Variants in SV2C observed in about 807,000 individuals in gnomAD.
SV2C encodes the protein solute carrier family 22 member B3.
A neutral mutation model predicts 79.7 loss-of-function variants in SV2C; 49 were observed. The observed-to-expected ratio is 0.61, with a 90% CI of 0.49 to 0.78. The LOEUF is 0.78. Ranked by LOEUF, SV2C falls within the 30% of genes least tolerant of loss-of-function variation. The pLI is 0.00. For missense variants in SV2C, 833 were observed against 912.9 expected (o/e 0.91, Z 1.13); for synonymous variants, 334 against 333.2 (o/e 1.00, Z -0.03).
Position 76,224,498 on chromosome 5 carries a change from TG to T in SV2C, c.913+14612del, listed in dbSNP as rs1745182794. Reference sequence around the variant, plus strand: ...AGCAAGTCTTAGTAACTCACCGCTGTGTTTCTAAATTAACTTTCACCTGTAG... The same window carrying T: ...AGCAAGTCTTAGTAACTCACCGCTGTTTTCTAAATTAACTTTCACCTGTAG... On this transcript the variant is annotated intron_variant, in intron 4 of 12. Transcript: ENST00000502798. 2.0e-5 allele frequency among the ~76,000 whole-genome samples: 3 copies of T among 152,336 alleles called. No homozygotes were observed. The South Asian group carries it at 6.2e-4, about 32-fold the overall frequency.
the SV2C span, among the ~76,000 whole-genome samples, chr5:75,937,879 C>CTTTTT: frequency 0.012 from 1,841 of 150,002 alleles, 29 homozygotes; most frequent in African/African-American, 0.042. Flanking sequence ...AGCATTATCT[C>CTTTTT]TTTTTTTTTG....
chr5:76,328,854 T>G lies in SV2C; in HGVS notation c.*3307T>G, dbSNP rs1387783462. The G allele has an allele frequency of 6.6e-6, 1 of 151,900 alleles. No individual in the cohort carries two copies. Among genetic ancestry groups the G allele is most frequent in the African/African-American group, 2.4e-5 (1 of 41,286 alleles). The allele number at this position is 151,900 out of a possible 1,614,324, so 9.4% of individuals were successfully genotyped here. ...AACTCTGCTCACTGCAACCTCCGCC[T>G]CCCAGGTTCAAGTGATTCTCCCACC... is the stretch of plus-strand genomic sequence containing the variant. On this transcript the variant is annotated 3_prime_UTR_variant, in exon 13 of 13. Transcript: ENST00000502798.
intron 4 of SV2C, among the ~76,000 whole-genome samples, chr5:76,264,255 T>C (rs1193546228): frequency 6.6e-6 from 1 of 151,914 alleles, no homozygotes; most frequent in Non-Finnish European, 1.5e-5. Context: ...CTTCAGAAAG[T>C]TCTCCTGCTG....
the SV2C span, among the ~76,000 whole-genome samples, chr5:75,864,288 A>C: frequency 6.6e-6 from 1 of 151,784 alleles, no homozygotes; most frequent in Admixed American, 6.6e-5. Flanking sequence ...TGCTTTTCCA[A>C]ACCACTGCTT....
intron 1 of SV2C, among the ~76,000 whole-genome samples, chr5:76,125,380 A>C (rs755722196): frequency 1.1e-4 from 16 of 152,160 alleles, no homozygotes; most frequent in Non-Finnish European, 1.8e-4. Context: ...AATTCTAATT[A>C]GTGTTATGGT....
chr5:75,881,457 T>A, the SV2C span, among the ~76,000 whole-genome samples: 1 of 152,178 alleles, frequency 6.6e-6, no homozygotes, highest in African/African-American at 2.4e-5. Context: ...ATGAAGGTTT[T>A]TTAACAAACA....
intron 3 of SV2C, among the ~76,000 whole-genome samples, chr5:76,196,906 A>G (rs1457414083): frequency 6.6e-6 from 1 of 152,194 alleles, no homozygotes; most frequent in Admixed American, 6.5e-5. Flanking sequence ...TTCCAAACCA[A>G]TGGCCTGTCC....
At chr5:76,129,803 G>C (rs1283720488) in intron 1 of SV2C, among the ~76,000 whole-genome samples, 3 of 152,124 alleles carry the variant, frequency 2.0e-5, no homozygotes, top group Non-Finnish European at 2.9e-5. Context: ...TTCAGACTCT[G>C]CTTTCAACTA....
intron 6 of SV2C, among the ~76,000 whole-genome samples, chr5:76,289,801 C>T (rs1184615489): frequency 2.0e-5 from 3 of 152,214 alleles, no homozygotes; most frequent in Non-Finnish European, 2.9e-5. Context: ...ACATCCATGG[C>T]AGATAGCGTA....
At chr5:75,881,792 C>G in the SV2C span, among the ~76,000 whole-genome samples, 9 of 149,950 alleles carry the variant, frequency 6.0e-5, no homozygotes, top group African/African-American at 2.3e-4. Context: ...CCTTTATTTC[C>G]TTCTCCTGCC....
chr5:76,165,533 T>G (rs529404837), intron 2 of SV2C, among the ~76,000 whole-genome samples: 40 of 152,354 alleles, frequency 2.6e-4, no homozygotes, highest in Admixed American at 5.9e-4. Flanking sequence ...TGGCAACAAT[T>G]AATCTGTTCT....
chr5:75,961,077 T>G, the SV2C span, among the ~76,000 whole-genome samples: 1 of 152,058 alleles, frequency 6.6e-6, no homozygotes, highest in Non-Finnish European at 1.5e-5. Flanking sequence ...TTTAAAATTA[T>G]ACATTAAGTG....
chr5:75,870,153 G>A, the SV2C span, among the ~76,000 whole-genome samples: 1 of 151,870 alleles, frequency 6.6e-6, no homozygotes, highest in African/African-American at 2.4e-5. Flanking sequence ...ATCACCAAAT[G>A]AACTAAATAA....
the SV2C span, among the ~76,000 whole-genome samples, chr5:76,038,610 C>G: frequency 6.6e-6 from 1 of 152,182 alleles, no homozygotes; most frequent in Non-Finnish European, 1.5e-5. Flanking sequence ...GAAACTTTAT[C>G]ACATTACTGG....
chr5:76,020,857 A>C, the SV2C span, among the ~76,000 whole-genome samples: 1 of 152,210 alleles, frequency 6.6e-6, no homozygotes, highest in Non-Finnish European at 1.5e-5. Context: ...CTGAAGGCAG[A>C]AGATTCTGAC....
the SV2C span, among the ~76,000 whole-genome samples, chr5:75,867,885 A>G: frequency 0.22 from 33,316 of 152,028 alleles, 5,055 homozygotes; most frequent in African/African-American, 0.44. Context: ...CTGAGTGCAT[A>G]CTATGTGCCA....
chr5:75,968,219 A>G, the SV2C span, among the ~76,000 whole-genome samples: 2 of 152,200 alleles, frequency 1.3e-5, no homozygotes, highest in Non-Finnish European at 2.9e-5. Context: ...AACCACAAAG[A>G]TGGGAAAAAA....
chr5:75,880,532 G>A, the SV2C span, among the ~76,000 whole-genome samples: 5 of 152,178 alleles, frequency 3.3e-5, no homozygotes, highest in Non-Finnish European at 2.9e-5. Flanking sequence ...ATGCAGCCAA[G>A]TTCTTTGCTA....
intron 12 of SV2C, among the ~76,000 whole-genome samples, chr5:76,305,837 C>T (rs1271445373): frequency 2.6e-5 from 4 of 152,196 alleles, no homozygotes; most frequent in Non-Finnish European, 5.9e-5. Context: ...CTAGCTTTTT[C>T]CCCAGATTAG....
Sources: allele counts gnomAD v4.1 joint callset (sites outside exome capture counted in the v4.1 genomes callset), GRCh38; gene constraint gnomAD v4.1.1; transcripts MANE v1.5; gene names NCBI Gene and HGNC (gene_info 2026-07-23, HGNC 2026-07-21).